The following ZFAT variants were observed in gnomAD, a reference collection of about 807,000 sequenced individuals.
The protein encoded by ZFAT is zinc finger protein ZFAT.
ZFAT carries 64 observed loss-of-function variants against 117.7 expected under a neutral mutation model. The ratio of observed to expected loss-of-function variants is 0.54; its 90% confidence interval spans 0.44 to 0.67. The LOEUF is 0.67. Among genes scored for constraint, ZFAT ranks in the 30% least tolerant of loss-of-function variants. The probability of loss-of-function intolerance (pLI) is 0.00; values close to 1 mark genes in which losing one functional copy is unlikely to be tolerated. For synonymous variants in ZFAT, 679 were observed against 615.0 expected (o/e 1.10, Z -1.54); for missense variants, 1,433 against 1,584.5 (o/e 0.90, Z 1.62).
At chr8:134,782,275 A>G in the ZFAT span, among the ~76,000 whole-genome samples, 2 of 152,226 alleles carry the variant, frequency 1.3e-5, no homozygotes, top group Admixed American at 1.3e-4. Flanking sequence ...AAATTAAGAG[A>G]ACTTGATGTC....
chr8:134,512,578 C>T lies in ZFAT; in HGVS notation c.3258G>A (p.Glu1086=). The T allele has an allele frequency of 6.2e-7, 1 of 1,613,834 alleles. No homozygotes were observed. Among genetic ancestry groups the T allele is most frequent in the Non-Finnish European group, 8.5e-7 (1 of 1,179,842 alleles). ...KWETATEAPE[E]PSTQYLHITE... is the part of the protein sequence containing the mutation. Reference sequence around the variant, plus strand: ...TGATGTGGAGATACTGGGTGGAGGGCTCCTCAGGAGCTTCTGTTGCTGTCT... The same window carrying T: ...TGATGTGGAGATACTGGGTGGAGGGTTCCTCAGGAGCTTCTGTTGCTGTCT... The change falls in exon 14 of 16, where the codon GAG becomes GAA. Residue 1086 remains glutamate, a synonymous_variant. Transcript: ENST00000377838.
At chr8:134,485,969 G>A (rs1023202223) in intron 15 of ZFAT, among the ~76,000 whole-genome samples, 4 of 152,214 alleles carry the variant, frequency 2.6e-5, no homozygotes, top group Non-Finnish European at 5.9e-5. Context: ...TGTGCAGAGG[G>A]CTGGGGCCGC....
intron 1 of ZFAT, among the ~76,000 whole-genome samples, chr8:134,658,022 G>C (rs1831714120): frequency 6.6e-6 from 1 of 152,198 alleles, no homozygotes; most frequent in African/African-American, 2.4e-5. Context: ...CCCAGATTCT[G>C]GGATAAGTAC....
intron 7 of ZFAT, among the ~76,000 whole-genome samples, chr8:134,590,730 C>A (rs1206570345): frequency 2.0e-5 from 3 of 146,596 alleles, no homozygotes; most frequent in Admixed American, 1.3e-4. Context: ...ACCACCACCA[C>A]CAACACCACC....
chr8:134,777,466 T>C, the ZFAT span, among the ~76,000 whole-genome samples: 1 of 152,184 alleles, frequency 6.6e-6, no homozygotes, highest in Non-Finnish European at 1.5e-5. Flanking sequence ...TTGGCCAAAC[T>C]GTGTGGATGG....
At chr8:134,673,982 T>C (rs1358095217) in intron 1 of ZFAT, among the ~76,000 whole-genome samples, 2 of 152,294 alleles carry the variant, frequency 1.3e-5, no homozygotes, top group Admixed American at 1.3e-4. Context: ...GCTGGCAAGA[T>C]GGCCGAATAG....
chr8:134,559,662 C>T (rs1284875973), intron 11 of ZFAT, among the ~76,000 whole-genome samples: 1 of 152,220 alleles, frequency 6.6e-6, no homozygotes, highest in Non-Finnish European at 1.5e-5. Context: ...GTGAGAATGG[C>T]TGTTCCTCAT....
chr8:134,810,849 T>A, the ZFAT span, among the ~76,000 whole-genome samples: 2 of 152,182 alleles, frequency 1.3e-5, no homozygotes, highest in Non-Finnish European at 2.9e-5. Flanking sequence ...AAAGTCTGTA[T>A]CTGAATAGTC....
the ZFAT span, among the ~76,000 whole-genome samples, chr8:134,816,559 C>T: frequency 6.6e-6 from 1 of 151,676 alleles, no homozygotes; most frequent in African/African-American, 2.4e-5. Flanking sequence ...AAGGATACGT[C>T]TAAAAATAGA....
At chr8:134,717,628 G>A (rs540269439), upstream of ZFAT, among the ~76,000 whole-genome samples, 6 of 149,624 alleles carry the variant, frequency 4.0e-5, no homozygotes, top group Non-Finnish European at 7.4e-5. Flanking sequence ...GACTACAGGC[G>A]CCCACCACCA....
At chr8:134,749,496 CATT>C in the ZFAT span, among the ~76,000 whole-genome samples, 3 of 152,120 alleles carry the variant, frequency 2.0e-5, no homozygotes. Flanking sequence ...TTTATAAGGG[CATT>C]AATACCACTC....
intron 7 of ZFAT, among the ~76,000 whole-genome samples, chr8:134,591,574 T>A (rs1164848665): frequency 1.3e-5 from 2 of 152,228 alleles, no homozygotes; most frequent in African/African-American, 4.8e-5. Context: ...TAACCTCCAA[T>A]ACCTCAGAAT....
intron 12 of ZFAT, 70 bp from the exon 13 acceptor site, chr8:134,521,071 C>T: frequency 9.0e-7 from 1 of 1,112,734 alleles, no homozygotes; most frequent in Non-Finnish European, 1.3e-6. Context: ...GTTCCTCCTC[C>T]TGTTCAAATG....
chr8:134,688,794 G>C (rs1380979256), intron 1 of ZFAT, among the ~76,000 whole-genome samples: 1 of 152,162 alleles, frequency 6.6e-6, no homozygotes, highest in Non-Finnish European at 1.5e-5. Context: ...CCCATCAAGA[G>C]AAGGAAGAGA....
chr8:134,678,514 A>G (rs900561143), intron 1 of ZFAT, among the ~76,000 whole-genome samples: 9 of 152,194 alleles, frequency 5.9e-5, no homozygotes, highest in Admixed American at 5.2e-4. Context: ...TACTGCCCAA[A>G]GTAATTTATA....
intron 2 of ZFAT, among the ~76,000 whole-genome samples, chr8:134,638,589 C>G (rs1830392998): frequency 6.8e-6 from 1 of 146,650 alleles, no homozygotes; most frequent in Admixed American, 6.8e-5. Flanking sequence ...ATTAACCAGG[C>G]GTGGTGGCGG....
intron 3 of ZFAT, among the ~76,000 whole-genome samples, chr8:134,633,500 A>G (rs1830020798): frequency 6.6e-6 from 1 of 152,246 alleles, no homozygotes; most frequent in Non-Finnish European, 1.5e-5. Flanking sequence ...CTAAATGCCC[A>G]TCAACTAGAG....
In ZFAT at chr8:134,671,600, A is replaced by T. The variant is rs190859094; in HGVS notation, c.20-13863T>A. Reference sequence around the variant, plus strand: ...AATAAATTAGGTATTGATGGGACGTATCTCAAAATAATAAGAGCTATTTAT... The same window carrying T: ...AATAAATTAGGTATTGATGGGACGTTTCTCAAAATAATAAGAGCTATTTAT... On this transcript the variant is annotated intron_variant, in intron 1 of 15. Coordinates refer to ENST00000377838, the MANE Select transcript of ZFAT (RefSeq NM_020863.4). Among the ~76,000 whole-genome samples, 6 of 152,346 alleles carry T rather than the reference A, an allele frequency of 3.9e-5. No individual in the cohort carries two copies. The East Asian group carries it at 1.2e-3, about 29-fold the overall frequency.
intron 11 of ZFAT, among the ~76,000 whole-genome samples, chr8:134,552,320 C>T (rs12677670): frequency 0.089 from 13,558 of 152,206 alleles, 833 homozygotes; most frequent in East Asian, 0.34. Flanking sequence ...GAATAGTTAG[C>T]ACTTTATTTG....
Sources: gnomAD v4.1 joint callset for allele counts (sites outside exome capture counted in the v4.1 genomes callset) on GRCh38, gnomAD v4.1.1 for gene constraint, MANE v1.5 for transcripts, NCBI Gene and HGNC (gene_info 2026-07-23, HGNC 2026-07-21) for gene names.